The following PIK3R4 variants were observed in gnomAD, a reference collection of about 807,000 sequenced individuals.
PIK3R4 encodes phosphoinositide-3-kinase regulatory subunit 4.
PIK3R4 carries 46 observed loss-of-function variants against 136.5 expected under a neutral mutation model. That is an observed-to-expected ratio of 0.34 (90% confidence interval 0.27 to 0.43). PIK3R4 has a LOEUF of 0.43. PIK3R4 is among the 20% of genes least tolerant of loss of function. The probability of loss-of-function intolerance (pLI) is 1.00; values close to 1 mark genes in which losing one functional copy is unlikely to be tolerated. For synonymous variants in PIK3R4, 557 were observed against 566.7 expected (o/e 0.98, Z 0.24); for missense variants, 1,331 against 1,649.5 (o/e 0.81, Z 3.35).
In PIK3R4 at chr3:130,689,847, T is replaced by C. The variant is rs141169188; in HGVS notation, c.3263+643A>G. 9.8e-3 allele frequency among the ~76,000 whole-genome samples: 1,486 copies of C among 152,366 alleles called. 32 individuals are homozygous for C. The highest frequency in any genetic ancestry group is 0.033 in the African/African-American group (1,370 of 41,582). The stretch of plus-strand genomic sequence containing the variant: ...GATTCTTAAAGCATAACATATCTTG[T>C]CTTTGAAATCTTCAGTGTGTAACAC... On this transcript the variant is annotated intron_variant, in intron 14 of 19. Coordinates refer to ENST00000356763, the MANE Select transcript of PIK3R4 (RefSeq NM_014602.3).
intron 3 of PIK3R4, 144 bp from the exon 4 acceptor site, chr3:130,734,274 A>G: frequency 1.5e-6 from 1 of 647,348 alleles, no homozygotes; most frequent in Non-Finnish European, 2.7e-6. Context: ...ATCATCCTAG[A>G]AAGCAGTAAA....
intron 13 of PIK3R4, among the ~76,000 whole-genome samples, chr3:130,703,480 T>C (rs1011047688): frequency 1.3e-5 from 2 of 152,230 alleles, no homozygotes; most frequent in African/African-American, 2.4e-5. Flanking sequence ...ATTTCCTAGC[T>C]TCCTTTCCTG....
At chr3:130,689,907 A>G (rs1441578413) in intron 14 of PIK3R4, among the ~76,000 whole-genome samples, 1 of 152,224 alleles carries the variant, frequency 6.6e-6, no homozygotes, top group Non-Finnish European at 1.5e-5. Flanking sequence ...TTGTCTTTAA[A>G]TATCTTACCT....
In PIK3R4 at chr3:130,690,606, T is replaced by A; in HGVS notation, c.3147A>T (p.Thr1049=). ...SRIGGRVKTL[T]FCQGSHYLAI... The stretch of plus-strand genomic sequence containing the variant: ...CTAAATAGTGGGAGCCTTGGCAGAA[T>A]GTGAGCGTCTTGACTCGTCCTCCAA... The change falls in exon 14 of 20, where the codon ACA becomes ACT. Residue 1049 remains threonine, a synonymous_variant. Coordinates refer to ENST00000356763, the MANE Select transcript of PIK3R4 (RefSeq NM_014602.3). 6.2e-7 allele frequency: 1 copy of A among 1,611,528 alleles called. No individual in the cohort carries two copies. The highest frequency in any genetic ancestry group is 1.7e-5 in the Admixed American group (1 of 59,958).
intron 18 of PIK3R4, 61 bp from the exon 19 acceptor site, chr3:130,680,782 AT>A: frequency 9.4e-7 from 1 of 1,065,828 alleles, no homozygotes; most frequent in South Asian, 1.4e-5. Flanking sequence ...ACTAATAATC[AT>A]TGGCTTATCT....
chr3:130,680,420 A>C lies in PIK3R4; in HGVS notation c.3906+193T>G, dbSNP rs78231667. On this transcript the variant is annotated intron_variant, in intron 19 of 19. Transcript: ENST00000356763. ...ATACTGGTCATTTGAGCTATTACTT[A>C]TATGCACTTTCTTTATGCTTATTTT... 527 of 410,978 alleles carry C rather than the reference A, an allele frequency of 1.3e-3. 2 individuals are homozygous for C. The highest frequency in any genetic ancestry group is 9.7e-3 in the African/African-American group (480 of 49,464). The allele number at this position is 410,978 out of a possible 1,614,324, so 25.5% of individuals were successfully genotyped here. A position where few individuals can be genotyped will look rare whatever the true frequency, so the allele number is the denominator to read the frequency against.
intron 2 of PIK3R4, among the ~76,000 whole-genome samples, chr3:130,740,524 G>C (rs761435243): frequency 2.6e-5 from 4 of 152,068 alleles, no homozygotes; most frequent in Non-Finnish European, 5.9e-5. Flanking sequence ...GATCACTTGA[G>C]GCCAGAAGTT....
Position 130,745,249 on chromosome 3 carries a change from G to C in PIK3R4, c.-31C>G, listed in dbSNP as rs2066845996. ...CAAGCACCTCTGTGGTCTTTAGTAAGGTTAGGATATAATACCTGTTTAAAA... is the reference window on the plus strand; with the variant it reads ...CAAGCACCTCTGTGGTCTTTAGTAACGTTAGGATATAATACCTGTTTAAAA... On this transcript the variant is annotated 5_prime_UTR_variant, in exon 2 of 20. Transcript: ENST00000356763. The C allele has an allele frequency of 6.5e-7, 1 of 1,544,760 alleles. No individual in the cohort carries two copies. Among genetic ancestry groups the C allele is most frequent in the Non-Finnish European group, 8.6e-7 (1 of 1,156,874 alleles).
At chr3:130,721,073 C>G (rs939849984) in intron 7 of PIK3R4, among the ~76,000 whole-genome samples, 1 of 151,786 alleles carries the variant, frequency 6.6e-6, no homozygotes, top group Admixed American at 6.6e-5. Context: ...CGGTGGCTCA[C>G]GCCTGTAATC....
At chr3:130,682,957 A>C (rs1382291534) in intron 16 of PIK3R4, among the ~76,000 whole-genome samples, 1 of 152,198 alleles carries the variant, frequency 6.6e-6, no homozygotes, top group Non-Finnish European at 1.5e-5. Context: ...GCTGTGAAGA[A>C]GATATTACAT....
chr3:130,701,285 G>A (rs1263380205), intron 13 of PIK3R4, among the ~76,000 whole-genome samples: 1 of 152,142 alleles, frequency 6.6e-6, no homozygotes, highest in Non-Finnish European at 1.5e-5. Flanking sequence ...GCTGAGGCGG[G>A]CGGATCACTT....
chr3:130,730,514 CCT>C (rs1195749371), intron 4 of PIK3R4, 72 bp from the exon 5 acceptor site: 8 of 1,102,910 alleles, frequency 7.3e-6, no homozygotes, highest in African/African-American at 3.3e-5. Flanking sequence ...ACTTTTCCTC[CCT>C]GTCTTTATAC....
chr3:130,692,581 T>A (rs1333680721), intron 13 of PIK3R4, among the ~76,000 whole-genome samples: 3 of 152,192 alleles, frequency 2.0e-5, no homozygotes. Context: ...TACATCACAT[T>A]TTGCTTATCC....
intron 2 of PIK3R4, 89 bp downstream of exon 2, chr3:130,744,397 A>T: frequency 7.2e-7 from 1 of 1,386,276 alleles, no homozygotes; most frequent in Admixed American, 2.3e-5. Context: ...TAACTTTTCA[A>T]TATCTGGTGA....
chr3:130,715,023 A>ACT (rs1490665417), intron 9 of PIK3R4, among the ~76,000 whole-genome samples: 1 of 151,810 alleles, frequency 6.6e-6, no homozygotes, highest in African/African-American at 2.4e-5. Context: ...GAATCACCAT[A>ACT]CTGTCTTCCA....
intron 7 of PIK3R4, among the ~76,000 whole-genome samples, chr3:130,723,062 C>CAAAAAAAAAAAAGAAAAA (rs2066711048): frequency 5.1e-5 from 1 of 19,494 alleles, no homozygotes; most frequent in Non-Finnish European, 9.5e-5. Context: ...GAGACTGTCG[C>CAAAAAAAAAAAAGAAAAA]AAAAAAAAAA....
chr3:130,716,943 C>T (rs1272922407), intron 8 of PIK3R4, among the ~76,000 whole-genome samples: 4 of 152,212 alleles, frequency 2.6e-5, no homozygotes, highest in Non-Finnish European at 5.9e-5. Context: ...GTCTGACAAC[C>T]AGCAGGTACT....
intron 9 of PIK3R4, among the ~76,000 whole-genome samples, chr3:130,712,138 C>T (rs565357747): frequency 5.3e-5 from 8 of 152,080 alleles, no homozygotes; most frequent in East Asian, 3.9e-4. Context: ...ATATGGGTAA[C>T]GTTCCAAAAG....
intron 13 of PIK3R4, among the ~76,000 whole-genome samples, chr3:130,703,369 T>C (rs2066590159): frequency 6.6e-6 from 1 of 152,168 alleles, no homozygotes; most frequent in African/African-American, 2.4e-5. Flanking sequence ...TCCATATGGC[T>C]TTCTCTCACT....
Sources: allele counts gnomAD v4.1 joint callset (sites outside exome capture counted in the v4.1 genomes callset), GRCh38; gene constraint gnomAD v4.1.1; transcripts MANE v1.5; gene names NCBI Gene and HGNC (gene_info 2026-07-23, HGNC 2026-07-21).